The following JCAD variants were observed in gnomAD, a reference collection of about 807,000 sequenced individuals.
The protein encoded by JCAD is junctional cadherin 5-associated protein.
JCAD carries 40 observed loss-of-function variants against 98.0 expected under a neutral mutation model. The ratio of observed to expected loss-of-function variants is 0.41; its 90% confidence interval spans 0.32 to 0.53. JCAD has a LOEUF of 0.53. Ranked by LOEUF, JCAD falls within the 20% of genes least tolerant of loss-of-function variation. The pLI is 0.31. For synonymous variants in JCAD, 691 were observed against 682.3 expected (o/e 1.01, Z -0.20); for missense variants, 1,705 against 1,738.1 (o/e 0.98, Z 0.34).
In JCAD at chr10:30,047,551, A is replaced by T; in HGVS notation, c.262T>A (p.Ser88Thr). ...GHGEPQSTSA[S>T]RTSEAGFCNQ... is the part of the protein sequence containing the mutation. ...ACTTACCCCGCCTCCGAGGTTCTGG[A>T]AGCAGAAGTGCTCTGGGGCTCCCCG... Residue 88 changes from serine to threonine, a missense_variant, in exon 2 of 4, where the codon TCC becomes ACC. Ser to Thr is a moderately conservative substitution (Grantham distance 58). This residue lies in a region of JCAD where 152 missense variants were observed against 148.0 expected (regional missense o/e 1.03). Coordinates refer to ENST00000375377, the MANE Select transcript of JCAD (RefSeq NM_020848.4). The T allele has an allele frequency of 6.2e-7, 1 of 1,612,966 alleles. No homozygotes were observed. The highest frequency in any genetic ancestry group is 8.5e-7 in the Non-Finnish European group (1 of 1,179,714).
intron 1 of JCAD, among the ~76,000 whole-genome samples, chr10:30,083,623 G>A (rs1479594153): frequency 6.6e-6 from 1 of 152,174 alleles, no homozygotes; most frequent in Non-Finnish European, 1.5e-5. Context: ...AAGCAAATCT[G>A]TGTTTAAATA....
At position 30,087,749 on chromosome 10, in the gene JCAD, A is replaced by G. The variant is rs566636221; in HGVS notation, n.129-17928T>C. Among the ~76,000 whole-genome samples the G allele has an allele frequency of 4.3e-4, 65 of 152,394 alleles. No homozygotes were observed. The South Asian group carries it at 0.012, about 29-fold the overall frequency. ...CTCAACTGATTTTGAATGTGGGAAG[A>G]GAAAAAGCAGGGCGGGGAAGTGGGT... On this transcript the variant is annotated intron_variant and non_coding_transcript_variant, in intron 1 of 2. Coordinates refer to the JCAD transcript ENST00000465712.
At chr10:30,046,599 GA>G (rs1837342686) in intron 2 of JCAD, among the ~76,000 whole-genome samples, 1 of 152,216 alleles carries the variant, frequency 6.6e-6, no homozygotes, top group Admixed American at 6.5e-5. Context: ...GCGTGGTTGT[GA>G]AATAGCTTTT....
At chr10:30,056,007 G>A (rs1440767865) in intron 1 of JCAD, among the ~76,000 whole-genome samples, 1 of 151,598 alleles carries the variant, frequency 6.6e-6, no homozygotes, top group Non-Finnish European at 1.5e-5. Flanking sequence ...CACAATTATT[G>A]CTTTGGCTAG....
At chr10:30,082,454 C>T (rs747618194) in intron 1 of JCAD, among the ~76,000 whole-genome samples, 14 of 152,264 alleles carry the variant, frequency 9.2e-5, no homozygotes, top group African/African-American at 1.9e-4. Flanking sequence ...CGCAGTTGCT[C>T]ACACCTATAA....
chr10:30,027,143 C>A lies in JCAD; in HGVS notation c.3005G>T (p.Ser1002Ile), dbSNP rs3739998. 2 of 1,613,976 alleles carry A rather than the reference C, an allele frequency of 1.2e-6. No individual in the cohort carries two copies. The highest frequency in any genetic ancestry group is 2.2e-5 in the South Asian group (2 of 91,090). ...YPAEPREPQE[S>I]PKITSAFSSV... ...GCTGAAAGCACTGGTGATTTTCGGA[C>A]TTTCCTGGGGCTCCCTAGGTTCAGC... Residue 1002 changes from serine to isoleucine, a missense_variant, in exon 3 of 4, where the codon AGT becomes ATT. Around this residue, in one of 3 missense-constraint regions of JCAD, gnomAD observed 1,278 missense variants for 1,243.1 expected, o/e 1.03. Coordinates refer to ENST00000375377, the MANE Select transcript of JCAD (RefSeq NM_020848.4).
upstream of JCAD, among the ~76,000 whole-genome samples, chr10:30,060,782 G>A (rs543079364): frequency 3.1e-4 from 47 of 152,262 alleles, no homozygotes; most frequent in African/African-American, 1.1e-3. Context: ...CTTTACAGAT[G>A]AGGAGTGGGC....
chr10:30,023,385 C>A (rs185406768), intron 3 of JCAD, among the ~76,000 whole-genome samples: 8 of 152,160 alleles, frequency 5.3e-5, no homozygotes, highest in Non-Finnish European at 8.8e-5. Flanking sequence ...CTTTCCATTG[C>A]GTTACAATTG....
At chr10:30,072,889 C>T (rs143087973) in intron 1 of JCAD, among the ~76,000 whole-genome samples, 43 of 152,248 alleles carry the variant, frequency 2.8e-4, no homozygotes, top group African/African-American at 7.7e-4. Context: ...TGTGCCACCT[C>T]GGTCTCCTGA....
intron 2 of JCAD, among the ~76,000 whole-genome samples, chr10:30,043,734 G>A (rs933458744): frequency 1.3e-5 from 2 of 152,250 alleles, no homozygotes; most frequent in South Asian, 2.1e-4. Context: ...CCTTTCAAAC[G>A]AAAACAGGCC....
intron 2 of JCAD, among the ~76,000 whole-genome samples, chr10:30,036,475 C>A (rs1467421355): frequency 1.3e-5 from 2 of 151,754 alleles, no homozygotes; most frequent in African/African-American, 4.8e-5. Context: ...AAAAAAAATG[C>A]AACATTTGGA....
Position 30,027,745 on chromosome 10 carries a change from C to G in JCAD, c.2403G>C (p.Val801=), listed in dbSNP as rs1288716059. 1.2e-6 allele frequency: 2 copies of G among 1,614,116 alleles called. No homozygotes were observed. The highest frequency in any genetic ancestry group is 3.3e-5 in the Admixed American group (2 of 60,012). ...LGAHPGPKRE[V]VKGEPTGPCN... Reference sequence around the variant, plus strand: ...AAGGGCCCGTGGGCTCCCCCTTCACCACCTCCCGCTTAGGCCCAGGGTGGG... The same window carrying G: ...AAGGGCCCGTGGGCTCCCCCTTCACGACCTCCCGCTTAGGCCCAGGGTGGG... Residue 801 remains valine, a synonymous_variant, in exon 3 of 4, where the codon GTG becomes GTC. Transcript: ENST00000375377.
rs1836829714 is a variant in JCAD at position 30,027,002 on chromosome 10, C to T, written c.3146G>A (p.Arg1049Gln). The change falls in exon 3 of 4, where the codon CGG becomes CAG. Residue 1049 changes from arginine (R) to glutamine (Q), a missense_variant. Coordinates refer to ENST00000375377, the MANE Select transcript of JCAD (RefSeq NM_020848.4). ...TTGCCCAGGGGTGAGCCCCACAGAC[C>T]GTAAGTCTGGAGCTGAGAGCCCTCG... ...KNRGLSAPDL[R>Q]SVGLTPGQEQ... 1.2e-6 allele frequency: 2 copies of T among 1,614,202 alleles called. No homozygotes were observed. Among genetic ancestry groups the T allele is most frequent in the Non-Finnish European group, 1.7e-6 (2 of 1,180,032 alleles).
chr10:30,065,267 A>G (rs1487431198), intron 2 of JCAD, among the ~76,000 whole-genome samples: 7 of 152,244 alleles, frequency 4.6e-5, no homozygotes, highest in Non-Finnish European at 1.5e-5. Flanking sequence ...TGTCCCTAGC[A>G]TAAAGAAAAG....
At chr10:30,038,149 G>C (rs1837158662) in intron 2 of JCAD, among the ~76,000 whole-genome samples, 1 of 152,128 alleles carries the variant, frequency 6.6e-6, no homozygotes, top group Non-Finnish European at 1.5e-5. Context: ...ATACACACAA[G>C]TTAAGTCGGA....
Position 30,074,310 on chromosome 10 carries a change from C to A in JCAD, n.129-4489G>T, listed in dbSNP as rs538513149. Among the ~76,000 whole-genome samples, 11 of 152,248 alleles carry A rather than the reference C, an allele frequency of 7.2e-5. No homozygotes were observed. In the South Asian group the frequency reaches 2.3e-3, roughly 32 times the overall value. On this transcript the variant is annotated intron_variant and non_coding_transcript_variant, in intron 1 of 2. Transcript: ENST00000465712. Reference sequence around the variant, plus strand: ...ACTGGCCAAGCAGAGAGGAATGGGACCATATTATAAACTCACTGAAAGATT... The same window carrying A: ...ACTGGCCAAGCAGAGAGGAATGGGAACATATTATAAACTCACTGAAAGATT...
chr10:30,032,796 T>G (rs1460336618), intron 2 of JCAD, among the ~76,000 whole-genome samples: 1 of 152,202 alleles, frequency 6.6e-6, no homozygotes, highest in African/African-American at 2.4e-5. Context: ...TTCCTGACAC[T>G]TGTAGCACAA....
At chr10:30,075,162 C>A (rs1837961101) in intron 1 of JCAD, among the ~76,000 whole-genome samples, 1 of 152,094 alleles carries the variant, frequency 6.6e-6, no homozygotes, top group Admixed American at 6.6e-5. Flanking sequence ...ACATAGAATT[C>A]TAGGAAATGT....
At position 30,047,872 on chromosome 10, in the gene JCAD, C is replaced by A. The variant is rs1341847310; in HGVS notation, c.-59-1G>T. ...ACCATGGTGGTGGCAGGACCCAGCA[C>A]TGCAGGACAACAGAGAGCTCTATTT... On this transcript the variant is annotated splice_acceptor_variant, in intron 1 of 3. Transcript: ENST00000375377. LOFTEE classifies it low-confidence loss of function (5UTR_SPLICE). The A allele has an allele frequency of 1.9e-5, 29 of 1,528,804 alleles. 1 individual carries two copies. The highest frequency in any genetic ancestry group is 2.5e-5 in the Non-Finnish European group (28 of 1,132,096). 94.7% of individuals were successfully genotyped at this position (1,528,804 alleles called of 1,614,324 possible).
Sources: allele counts gnomAD v4.1 joint callset (sites outside exome capture counted in the v4.1 genomes callset), GRCh38; gene constraint gnomAD v4.1.1; regional missense constraint gnomAD v4.1.1; transcripts MANE v1.5; gene names NCBI Gene and HGNC (gene_info 2026-07-23, HGNC 2026-07-21).